Variants in ATG5 observed in about 807,000 individuals in gnomAD.
ATG5 encodes the protein autophagy protein 5.
In ATG5, 14 loss-of-function variants were observed where a neutral mutation model predicts 36.5. The observed-to-expected ratio is 0.38, with a 90% CI of 0.25 to 0.60. The LOEUF is 0.60. ATG5 is among the 20% of genes least tolerant of loss of function. The pLI, the probability that ATG5 is intolerant of heterozygous loss-of-function variation, is 0.60. For missense variants in ATG5, 195 were observed against 326.7 expected, an observed-to-expected ratio of 0.60 and a Z score of 3.11; for synonymous variants, 95 against 101.5, an observed-to-expected ratio of 0.94 and a Z score of 0.38.
rs115081847 is a variant in ATG5 at position 106,201,771 on chromosome 6, G to A, written c.691+201C>T. The stretch of plus-strand genomic sequence containing the variant: ...TGATTTAAAAACTGTATTTTATTTC[G>A]CCAGTCGAGTCATCATTTTGTTAGT... On this transcript the variant is annotated intron_variant, in intron 7 of 7. Transcript: ENST00000369076. 3.9e-3 allele frequency: 1,266 copies of A among 326,774 alleles called. 22 individuals carry two copies. The highest frequency in any genetic ancestry group is 0.023 in the African/African-American group (1,083 of 46,822). The allele number at this position is 326,774 out of a possible 1,614,324, so 20.2% of individuals were successfully genotyped here.
At chr6:106,263,280 G>C (rs1779098738) in intron 5 of ATG5, among the ~76,000 whole-genome samples, 1 of 152,204 alleles carries the variant, frequency 6.6e-6, no homozygotes, top group African/African-American at 2.4e-5. Context: ...TGTGGCCAGA[G>C]TCCTTCTCTA....
At chr6:106,318,164 T>A (rs1770928610) in intron 1 of ATG5, among the ~76,000 whole-genome samples, 1 of 152,158 alleles carries the variant, frequency 6.6e-6, no homozygotes, top group Admixed American at 6.5e-5. Context: ...TCTTCCCTCC[T>A]CTTCAAGCAC....
intron 5 of ATG5, among the ~76,000 whole-genome samples, chr6:106,262,842 C>T (rs552024064): frequency 2.8e-4 from 42 of 152,344 alleles, no homozygotes; most frequent in African/African-American, 8.9e-4. Flanking sequence ...ATGGTTTCTG[C>T]AATCTGCAGA....
intron 1 of ATG5, among the ~76,000 whole-genome samples, chr6:106,318,639 GAACT>G (rs963617517): frequency 6.6e-6 from 1 of 152,140 alleles, no homozygotes; most frequent in Non-Finnish European, 1.5e-5. Flanking sequence ...CTCAAGGGAA[GAACT>G]AACTCAGCCA....
intron 6 of ATG5, among the ~76,000 whole-genome samples, chr6:106,227,643 G>C (rs1489214014): frequency 1.3e-5 from 2 of 152,184 alleles, no homozygotes; most frequent in Non-Finnish European, 2.9e-5. Flanking sequence ...TTCAAGAAAT[G>C]ATCAGTACCT....
chr6:106,263,767 C>T (rs777437168), intron 5 of ATG5, among the ~76,000 whole-genome samples: 1 of 151,248 alleles, frequency 6.6e-6, no homozygotes, highest in Non-Finnish European at 1.5e-5. Context: ...AAGAGGGGCC[C>T]TAACAAAAAG....
chr6:106,316,149 G>T lies in ATG5; in HGVS notation c.60C>A (p.Phe20Leu), dbSNP rs780471238. The part of the protein sequence containing the change: ...DVWFGRIPTC[F>L]TLYQDEITER... ...CAGTTATCTCATCCTGATATAGCGT[G>T]AAACAAGTTGGAATTCGTCCAAACC... Residue 20 changes from phenylalanine to leucine, a missense_variant, in exon 2 of 8, where the codon TTC becomes TTA. Transcript: ENST00000369076. The T allele has an allele frequency of 1.2e-5, 20 of 1,613,564 alleles. No homozygotes were observed. Among genetic ancestry groups the T allele is most frequent in the Non-Finnish European group, 1.7e-6 (2 of 1,179,764 alleles).
intron 2 of ATG5, among the ~76,000 whole-genome samples, chr6:106,311,008 A>G (rs1770625239): frequency 6.6e-6 from 1 of 152,346 alleles, no homozygotes; most frequent in South Asian, 2.1e-4. Flanking sequence ...GCTTAAAAGA[A>G]TACATATTTT....
chr6:106,196,641 T>C (rs373748467), intron 7 of ATG5, among the ~76,000 whole-genome samples: 5 of 151,970 alleles, frequency 3.3e-5, no homozygotes, highest in African/African-American at 1.2e-4. Context: ...CAAGATTGCT[T>C]GAACCTGGGA....
chr6:106,206,990 G>GA (rs773918955), intron 6 of ATG5, among the ~76,000 whole-genome samples: 24 of 152,150 alleles, frequency 1.6e-4, no homozygotes, highest in Non-Finnish European at 2.8e-4. Context: ...TGACAGACAA[G>GA]AAAGCCACTG....
chr6:106,282,494 T>C (rs769968938), intron 4 of ATG5, among the ~76,000 whole-genome samples: 10 of 152,214 alleles, frequency 6.6e-5, no homozygotes, highest in Non-Finnish European at 1.5e-4. Context: ...GTTTTTACTG[T>C]ACAATTTTTA....
chr6:106,323,993 T>TTATC (rs1473682337), intron 1 of ATG5, among the ~76,000 whole-genome samples: 1 of 152,168 alleles, frequency 6.6e-6, no homozygotes, highest in East Asian at 1.9e-4. Context: ...GCACCCTTCT[T>TTATC]TATCACCCGT....
intron 4 of ATG5, among the ~76,000 whole-genome samples, chr6:106,284,272 T>A (rs9373842): frequency 1.3e-5 from 2 of 152,140 alleles, no homozygotes; most frequent in South Asian, 4.1e-4. Flanking sequence ...CCAAAAAGGC[T>A]ACACCATTTT....
chr6:106,304,433 T>C (rs1770351289), intron 3 of ATG5: 2 of 152,166 alleles, frequency 1.3e-5, no homozygotes, highest in African/African-American at 4.8e-5. Context: ...CAATCCAATG[T>C]CCATCAGTTA....
At chr6:106,261,161 A>G (rs1289279309) in intron 5 of ATG5, among the ~76,000 whole-genome samples, 1 of 152,240 alleles carries the variant, frequency 6.6e-6, no homozygotes, top group Non-Finnish European at 1.5e-5. Context: ...AGTGAGCTAG[A>G]GCTGAAAGGA....
intron 7 of ATG5, among the ~76,000 whole-genome samples, chr6:106,188,777 C>T (rs1775864462): frequency 6.6e-6 from 1 of 152,200 alleles, no homozygotes; most frequent in South Asian, 2.1e-4. Flanking sequence ...AAAAGCATCA[C>T]TAACTAAATT....
At chr6:106,196,063 C>T (rs1776172948) in intron 7 of ATG5, among the ~76,000 whole-genome samples, 1 of 152,046 alleles carries the variant, frequency 6.6e-6, no homozygotes, top group African/African-American at 2.4e-5. Context: ...ATTTACGTGT[C>T]TGATGTTCAT....
chr6:106,231,327 C>T (rs551074119), intron 6 of ATG5, among the ~76,000 whole-genome samples: 94 of 152,256 alleles, frequency 6.2e-4, no homozygotes, highest in African/African-American at 2.0e-3. Flanking sequence ...ACAGAAGTGT[C>T]GCCGTAACTG....
At chr6:106,260,048 A>G (rs761034043) in intron 5 of ATG5, among the ~76,000 whole-genome samples, 14 of 152,098 alleles carry the variant, frequency 9.2e-5, no homozygotes, top group Non-Finnish European at 1.6e-4. Context: ...CATAGGGGGG[A>G]ACTGAAAAAT....
Sources: allele counts gnomAD v4.1 joint callset (sites outside exome capture counted in the v4.1 genomes callset), GRCh38; gene constraint gnomAD v4.1.1; transcripts MANE v1.5; gene names NCBI Gene and HGNC (gene_info 2026-07-23, HGNC 2026-07-21).